The following NUP98 variants were observed in gnomAD, a reference collection of about 807,000 sequenced individuals.
The protein encoded by NUP98 is nuclear pore complex protein Nup98-Nup96.
A neutral mutation model predicts 191.9 loss-of-function variants in NUP98; 26 were observed. That is an observed-to-expected ratio of 0.14 (90% CI 0.10 to 0.19). The LOEUF (loss-of-function observed/expected upper bound fraction) is 0.19. Ranked by LOEUF, NUP98 falls within the 10% of genes least tolerant of loss-of-function variation. NUP98 has a pLI of 1.00. For missense variants in NUP98, 1,941 were observed against 2,178.8 expected (o/e 0.89, Z 2.17); for synonymous variants, 808 against 778.4 (o/e 1.04, Z -0.63).
chr11:3,692,213 C>A (rs2078334709), intron 27 of NUP98, among the ~76,000 whole-genome samples: 1 of 151,380 alleles, frequency 6.6e-6, no homozygotes, highest in South Asian at 2.1e-4. Flanking sequence ...CCTGTGGTCC[C>A]AGCTACTCAG....
chr11:3,768,802 C>T (rs777460959), intron 7 of NUP98, 58 bp from the exon 8 acceptor site: 13 of 1,302,740 alleles, frequency 1.0e-5, no homozygotes, highest in African/African-American at 1.5e-5. Context: ...TGTAAACACC[C>T]AAAAATACAA....
rs1325981231 is a variant in NUP98, at chr11:3,679,639, C to T, written c.4988G>A (p.Ser1663Asn). ...TGTTTCCCAATCCTGAATTAGGCTG[C>T]TGCGCTCTGGAGGTGCCAGGTCTTC... The part of the protein sequence containing the change: ...FLEDLAPPER[S>N]SLIQDWETSG... The change falls in exon 31 of 33, where the codon AGC (serine) becomes AAC (asparagine). Residue 1663 changes from serine to asparagine, a missense_variant. Coordinates refer to ENST00000324932, the MANE Select transcript of NUP98 (RefSeq NM_016320.5). 1 of 1,614,206 alleles carries T rather than the reference C, an allele frequency of 6.2e-7. No homozygotes were observed. Among genetic ancestry groups the T allele is most frequent in the South Asian group, 1.1e-5 (1 of 91,088 alleles).
At chr11:3,677,793 T>C (rs1421724157) in intron 31 of NUP98, among the ~76,000 whole-genome samples, 1 of 152,168 alleles carries the variant, frequency 6.6e-6, no homozygotes, top group Non-Finnish European at 1.5e-5. Context: ...AGAAATGATG[T>C]TCTTGATTCA....
intron 26 of NUP98, among the ~76,000 whole-genome samples, chr11:3,695,141 C>T (rs1166885029): frequency 2.0e-5 from 3 of 152,164 alleles, no homozygotes; most frequent in Non-Finnish European, 4.4e-5. Context: ...CCTGCCTAGG[C>T]AACAGAGCCA....
At chr11:3,739,310 C>A (rs960585495) in intron 12 of NUP98, among the ~76,000 whole-genome samples, 1 of 152,094 alleles carries the variant, frequency 6.6e-6, no homozygotes, top group Non-Finnish European at 1.5e-5. Context: ...AGCGCAGTAG[C>A]GCGATCTCGG....
rs1053386325 is a variant in NUP98, at chr11:3,675,519, T to C, written c.*640A>G. 2 of 232,202 alleles carry C rather than the reference T, an allele frequency of 8.6e-6. No individual in the cohort carries two copies. The highest frequency in any genetic ancestry group is 1.7e-4 in the South Asian group (1 of 5,792). 14.4% of individuals were successfully genotyped at this position (232,202 alleles called of 1,614,324 possible). ...CCTGCACATAGTAGTAGCAAAGGTATGGTGTTCATGGAACTCTAAAGGCAG... is the reference window on the plus strand; with the variant it reads ...CCTGCACATAGTAGTAGCAAAGGTACGGTGTTCATGGAACTCTAAAGGCAG... On this transcript the variant is annotated 3_prime_UTR_variant, in exon 33 of 33. Coordinates refer to ENST00000324932, the MANE Select transcript of NUP98 (RefSeq NM_016320.5).
chr11:3,699,085 A>G lies in NUP98; in HGVS notation c.4006T>C (p.Ser1336Pro). 6.2e-7 allele frequency: 1 copy of G among 1,612,244 alleles called. No individual in the cohort carries two copies. Among genetic ancestry groups the G allele is most frequent in the Non-Finnish European group, 8.5e-7 (1 of 1,179,830 alleles). Residue 1336 changes from serine to proline, a missense_variant, in exon 25 of 33, where the codon TCA becomes CCA. This residue lies in a region of NUP98 where 1,030 missense variants were observed against 1,115.8 expected (regional missense o/e 0.92). Transcript: ENST00000324932. The part of the protein sequence containing the change: ...ISEACSLAQQ[S>P]GDHRLALLLS... Reference sequence around the variant, plus strand: ...AAGGACCATATGCCTTCCCCACCTGACTGCTGGGCCAGAGAGCAGGCCTCA... The same window carrying G: ...AAGGACCATATGCCTTCCCCACCTGGCTGCTGGGCCAGAGAGCAGGCCTCA...
intron 9 of NUP98, among the ~76,000 whole-genome samples, chr11:3,760,841 T>C (rs547193697): frequency 1.3e-5 from 2 of 152,232 alleles, no homozygotes; most frequent in East Asian, 3.9e-4. Context: ...GCCTGAAAAG[T>C]TAATGGTAAC....
At chr11:3,719,326 G>T in intron 18 of NUP98, 86 bp downstream of exon 18, 1 of 1,056,586 alleles carries the variant, frequency 9.5e-7, no homozygotes, top group Non-Finnish European at 1.4e-6. Context: ...GCAAGCTACA[G>T]AAGCATACAT....
chr11:3,766,204 A>G (rs2081333125), intron 8 of NUP98, among the ~76,000 whole-genome samples: 1 of 152,106 alleles, frequency 6.6e-6, no homozygotes, highest in African/African-American at 2.4e-5. Context: ...ATGAAAACCC[A>G]TCTCTACAAA....
At chr11:3,743,616 C>T (rs2080370811) in intron 12 of NUP98, among the ~76,000 whole-genome samples, 2 of 139,942 alleles carry the variant, frequency 1.4e-5, no homozygotes, top group South Asian at 4.5e-4. Context: ...CACTGTACTC[C>T]AGCCTGGGCA....
chr11:3,785,883 G>A (rs2082125298), intron 1 of NUP98, among the ~76,000 whole-genome samples: 1 of 150,870 alleles, frequency 6.6e-6, no homozygotes, highest in South Asian at 2.1e-4. Flanking sequence ...CCTAGAGACA[G>A]AAATAAACCC....
At chr11:3,679,500 AT>A in intron 31 of NUP98, 53 bp downstream of exon 31, 2 of 1,603,624 alleles carry the variant, frequency 1.2e-6, no homozygotes, top group South Asian at 2.2e-5. Flanking sequence ...GTATCTGAAG[AT>A]TTAAGGGCCT....
intron 14 of NUP98, among the ~76,000 whole-genome samples, chr11:3,728,976 T>C (rs1364752800): frequency 2.6e-5 from 4 of 152,114 alleles, no homozygotes; most frequent in African/African-American, 9.7e-5. Context: ...ACTAGAATGA[T>C]AGTAATGCAA....
At chr11:3,778,762 C>T (rs1473092324) in intron 4 of NUP98, 111 bp downstream of exon 4, 3 of 1,141,672 alleles carry the variant, frequency 2.6e-6, no homozygotes, top group East Asian at 2.4e-5. Flanking sequence ...CTTGTTTTTG[C>T]CATTTAGTAG....
intron 12 of NUP98, among the ~76,000 whole-genome samples, chr11:3,736,613 G>C (rs1355732575): frequency 2.0e-5 from 3 of 152,212 alleles, no homozygotes; most frequent in Non-Finnish European, 4.4e-5. Context: ...GGGTGAAAGA[G>C]CGAGACTCTG....
At chr11:3,773,811 A>C in intron 5 of NUP98, 72 bp from the exon 6 acceptor site, 24 of 862,740 alleles carry the variant, frequency 2.8e-5, no homozygotes, top group East Asian at 5.1e-5. Context: ...ACAATTTCTC[A>C]ACCACTGAAC....
chr11:3,776,121 ATTTT>A (rs777947710), intron 4 of NUP98, 100 bp from the exon 5 acceptor site: 1,040 of 535,602 alleles, frequency 1.9e-3, no homozygotes, highest in Middle Eastern at 3.3e-3. Flanking sequence ...ACAGTACTTC[ATTTT>A]TTTTTTTTTT....
chr11:3,701,255 A>ATTT (rs71041374), intron 23 of NUP98, among the ~76,000 whole-genome samples: 6 of 125,834 alleles, frequency 4.8e-5, no homozygotes, highest in Admixed American at 8.0e-5. Context: ...GCTTGTTCCA[A>ATTT]TTTTTTTTTT....
Sources: allele counts gnomAD v4.1 joint callset (sites outside exome capture counted in the v4.1 genomes callset), GRCh38; gene constraint gnomAD v4.1.1; regional missense constraint gnomAD v4.1.1; transcripts MANE v1.5; gene names NCBI Gene and HGNC (gene_info 2026-07-23, HGNC 2026-07-21).